YIPF4: variants seen among roughly 807,000 people sequenced by gnomAD.
YIPF4 encodes Yip1 domain family member 4.
YIPF4 carries 18 observed loss-of-function variants against 29.4 expected under a neutral mutation model. The observed-to-expected ratio is 0.61, with a 90% CI of 0.42 to 0.91. The LOEUF (loss-of-function observed/expected upper bound fraction) is 0.91, where lower values mean the gene tolerates loss of function less well. Among genes scored for constraint, YIPF4 ranks in the 40% least tolerant of loss-of-function variants. The pLI, the probability that YIPF4 is intolerant of heterozygous loss-of-function variation, is 0.00. For synonymous variants in YIPF4, 115 were observed against 104.7 expected, an observed-to-expected ratio of 1.10 and a Z score of -0.60; for missense variants, 279 against 282.7, an observed-to-expected ratio of 0.99 and a Z score of 0.09.
intron 1 of YIPF4, among the ~76,000 whole-genome samples, chr2:32,279,459 G>A (rs2030283542): frequency 7.8e-6 from 1 of 127,758 alleles, no homozygotes; most frequent in African/African-American, 3.0e-5. Flanking sequence ...GTGCAGTGAT[G>A]CCATCTCGGC....
At chr2:32,295,731 A>G (rs1189296726) in intron 3 of YIPF4, among the ~76,000 whole-genome samples, 2 of 151,934 alleles carry the variant, frequency 1.3e-5, no homozygotes, top group Non-Finnish European at 2.9e-5. Context: ...AGCCTCCTAC[A>G]TAGCTGGGAT....
chr2:32,299,193 A>G (rs1002608228), intron 4 of YIPF4, among the ~76,000 whole-genome samples: 1 of 152,196 alleles, frequency 6.6e-6, no homozygotes, highest in Non-Finnish European at 1.5e-5. Flanking sequence ...TCTTACAGAA[A>G]TTCTCAAACT....
chr2:32,279,900 CTTT>C (rs763736310), intron 1 of YIPF4, among the ~76,000 whole-genome samples: 3 of 127,574 alleles, frequency 2.4e-5, no homozygotes. Context: ...CTCTTATGTT[CTTT>C]TTTTTTTTTT....
chr2:32,282,403 A>G (rs2030460946), intron 1 of YIPF4, among the ~76,000 whole-genome samples: 1 of 152,202 alleles, frequency 6.6e-6, no homozygotes, highest in Admixed American at 6.5e-5. Flanking sequence ...ATTACTCTCC[A>G]TGTGATCTTG....
At position 32,305,576 on chromosome 2, in the gene YIPF4, C is replaced by T; in HGVS notation, c.685C>T (p.Pro229Ser). The change falls in exon 6 of 6, where the codon CCA (proline) becomes TCA (serine). Residue 229 changes from proline (P) to serine (S), a missense_variant. Physicochemically the swap from Pro to Ser is moderately conservative, Grantham distance 74 (BLOSUM62 -1). Coordinates refer to ENST00000238831, the MANE Select transcript of YIPF4 (RefSeq NM_032312.4). ...GACCAAAAAGCCTCTTCTGATTTAT[C>T]CAATCTTTTTATTATACATTTATTT... is the stretch of plus-strand genomic sequence containing the variant. ...FKTKKPLLIY[P>S]IFLLYIYFLS... is the part of the protein sequence containing the mutation. 4 of 1,609,256 alleles carry T rather than the reference C, an allele frequency of 2.5e-6. No individual in the cohort carries two copies. The highest frequency in any genetic ancestry group is 3.4e-6 in the Non-Finnish European group (4 of 1,177,808).
At chr2:32,278,290 G>T in intron 1 of YIPF4, 56 bp downstream of exon 1, 1 of 1,492,630 alleles carries the variant, frequency 6.7e-7, no homozygotes, top group Non-Finnish European at 9.0e-7. Context: ...GCCCGACGCC[G>T]TAGGGTCTTT....
chr2:32,286,795 C>A (rs1402292470), intron 1 of YIPF4, among the ~76,000 whole-genome samples: 1 of 152,012 alleles, frequency 6.6e-6, no homozygotes, highest in Non-Finnish European at 1.5e-5. Flanking sequence ...CTGCCCACCT[C>A]GACTGGGATT....
At chr2:32,283,525 C>A (rs2030526306) in intron 1 of YIPF4, among the ~76,000 whole-genome samples, 1 of 152,118 alleles carries the variant, frequency 6.6e-6, no homozygotes, top group African/African-American at 2.4e-5. Flanking sequence ...ATGTCTTTCT[C>A]CTCCTCGCCT....
Position 32,306,983 on chromosome 2 carries a change from C to G in YIPF4, c.*1357C>G, listed in dbSNP as rs576195558. The G allele has an allele frequency of 1.4e-5, 8 of 570,802 alleles. No individual in the cohort carries two copies. In the South Asian group the frequency reaches 1.7e-4, roughly 12 times the overall value. 35.4% of individuals were successfully genotyped at this position (570,802 alleles called of 1,614,324 possible). A position where few individuals can be genotyped will look rare whatever the true frequency, so the allele number is the denominator to read the frequency against. Reference sequence around the variant, plus strand: ...GTGTGTTATCAAGCCCAGCCGTCTTCCTTTCCCCTAATCCCAAAAGGAAAG... The same window carrying G: ...GTGTGTTATCAAGCCCAGCCGTCTTGCTTTCCCCTAATCCCAAAAGGAAAG... On this transcript the variant is annotated 3_prime_UTR_variant, in exon 6 of 6. Transcript: ENST00000238831.
rs200654668 is a variant in YIPF4, at chr2:32,305,771, ATTTT to A, written c.*151_*154del. 8.1e-6 allele frequency: 10 copies of A among 1,241,032 alleles called. No homozygotes were observed. In the African/African-American group the frequency reaches 1.2e-4, roughly 15 times the overall value. 76.9% of individuals were successfully genotyped at this position (1,241,032 alleles called of 1,614,324 possible). On this transcript the variant is annotated 3_prime_UTR_variant, in exon 6 of 6. Coordinates refer to ENST00000238831, the MANE Select transcript of YIPF4 (RefSeq NM_032312.4). ...GGAAGTCTAAGCGCTTTTTAAAACA[ATTTT>A]TTTTTGTATTTAATTAAGCAATTGC...
intron 1 of YIPF4, among the ~76,000 whole-genome samples, chr2:32,279,213 C>T (rs2030263524): frequency 6.6e-6 from 1 of 151,946 alleles, no homozygotes; most frequent in South Asian, 2.1e-4. Context: ...CCTCGTGATC[C>T]GCCCGCCTCG....
At position 32,281,208 on chromosome 2, in the gene YIPF4, G is replaced by A. The variant is rs578235686; in HGVS notation, c.79+2974G>A. Among the ~76,000 whole-genome samples, 6 of 151,526 alleles carry A rather than the reference G, an allele frequency of 4.0e-5. No individual in the cohort carries two copies. The South Asian group carries it at 1.3e-3, about 32-fold the overall frequency. On this transcript the variant is annotated intron_variant, in intron 1 of 5. Transcript: ENST00000238831. ...TATTATATCGTACAGTTTAAATTTA[G>A]AGTATTTTAAGTATACTACTCATTT...
chr2:32,289,786 C>T (rs903805473), intron 1 of YIPF4, among the ~76,000 whole-genome samples: 5 of 151,646 alleles, frequency 3.3e-5, no homozygotes, highest in African/African-American at 9.7e-5. Flanking sequence ...TAGAGCCGAC[C>T]TAAAAAATAA....
intron 1 of YIPF4, among the ~76,000 whole-genome samples, chr2:32,278,594 T>G (rs895933860): frequency 1.3e-5 from 2 of 151,988 alleles, no homozygotes; most frequent in African/African-American, 4.8e-5. Flanking sequence ...CCAAGGGAGA[T>G]CTCAAAGAAT....
At chr2:32,301,517 A>G (rs1438443347) in intron 5 of YIPF4, 22 bp downstream of exon 5, 2 of 1,504,950 alleles carry the variant, frequency 1.3e-6, no homozygotes, top group African/African-American at 2.8e-5. Context: ...ATTATGTATT[A>G]CATAGTTTAC....
At position 32,314,546 on chromosome 2, in the gene YIPF4, G is replaced by T. The variant is rs892351434; in HGVS notation, c.*8920G>T. On this transcript the variant is annotated 3_prime_UTR_variant, in exon 6 of 6. Coordinates refer to ENST00000238831, the MANE Select transcript of YIPF4 (RefSeq NM_032312.4). ...AAATTAGCTGGGCGTGGTGTCGCGT[G>T]CCTGTAATCCCAGCTACTCTGGAGG... The T allele has an allele frequency of 6.6e-6, 1 of 152,196 alleles. No homozygotes were observed. Among genetic ancestry groups the T allele is most frequent in the African/African-American group, 2.4e-5 (1 of 41,428 alleles). 9.4% of individuals were successfully genotyped at this position (152,196 alleles called of 1,614,324 possible).
At chr2:32,296,396 G>A (rs375877882) in intron 3 of YIPF4, among the ~76,000 whole-genome samples, 40 of 151,730 alleles carry the variant, frequency 2.6e-4, no homozygotes, top group African/African-American at 2.4e-4. Flanking sequence ...GCTTGAACCC[G>A]GGAGGTGGAG....
rs1321478589 is a variant in YIPF4 at position 32,310,468 on chromosome 2, T to G, written c.*4842T>G. Reference sequence around the variant, plus strand: ...ACTGCATACCAAATTCCACCCATACTCAAGTCTCACAGTCTTCCCTGCAGA... The same window carrying G: ...ACTGCATACCAAATTCCACCCATACGCAAGTCTCACAGTCTTCCCTGCAGA... On this transcript the variant is annotated 3_prime_UTR_variant, in exon 6 of 6. Transcript: ENST00000238831. The G allele has an allele frequency of 2.6e-5, 4 of 152,214 alleles. No individual in the cohort carries two copies. The highest frequency in any genetic ancestry group is 5.9e-5 in the Non-Finnish European group (4 of 68,052). The allele number at this position is 152,214 out of a possible 1,614,324, so 9.4% of individuals were successfully genotyped here.
At chr2:32,284,657 A>G (rs765933899) in intron 1 of YIPF4, among the ~76,000 whole-genome samples, 1 of 152,208 alleles carries the variant, frequency 6.6e-6, no homozygotes, top group Non-Finnish European at 1.5e-5. Flanking sequence ...TCTTTTGTTT[A>G]TAAATTACTC....
Sources: allele counts gnomAD v4.1 joint callset (sites outside exome capture counted in the v4.1 genomes callset), GRCh38; gene constraint gnomAD v4.1.1; transcripts MANE v1.5; gene names NCBI Gene and HGNC (gene_info 2026-07-23, HGNC 2026-07-21).